The following SLC4A7 variants were observed in gnomAD, a reference collection of about 807,000 sequenced individuals.
SLC4A7 encodes the protein sodium bicarbonate cotransporter 3.
A neutral mutation model predicts 137.6 loss-of-function variants in SLC4A7; 51 were observed. The ratio of observed to expected loss-of-function variants is 0.37; its 90% CI spans 0.30 to 0.47. SLC4A7 has a LOEUF of 0.47. Among genes scored for constraint, SLC4A7 ranks in the 20% least tolerant of loss-of-function variants. The pLI, the probability that SLC4A7 is intolerant of heterozygous loss-of-function variation, is 1.00. For synonymous variants in SLC4A7, 542 were observed against 518.6 expected (o/e 1.05, Z -0.61); for missense variants, 1,247 against 1,525.4 (o/e 0.82, Z 3.04).
chr3:27,417,268 G>A (rs908653999), intron 11 of SLC4A7, among the ~76,000 whole-genome samples: 31 of 152,044 alleles, frequency 2.0e-4, no homozygotes, highest in African/African-American at 3.6e-4. Context: ...AACCAGGCAG[G>A]AACTTAGAAA....
At position 27,372,935 on chromosome 3, in the gene SLC4A7, T is replaced by C. The variant is rs2049656467; in HGVS notation, c.*3829A>G. On this transcript the variant is annotated 3_prime_UTR_variant, in exon 26 of 26. Transcript: ENST00000454389. Reference sequence around the variant, plus strand: ...ATAGAAGAAAATATCATTGTAATTATAAAAGCCATAAAAATTGGAACTGTA... The same window carrying C: ...ATAGAAGAAAATATCATTGTAATTACAAAAGCCATAAAAATTGGAACTGTA... 3.3e-5 allele frequency: 5 copies of C among 152,538 alleles called. No homozygotes were observed. The highest frequency in any genetic ancestry group is 7.4e-5 in the Non-Finnish European group (5 of 68,004). 9.4% of individuals were successfully genotyped at this position (152,538 alleles called of 1,614,324 possible). A position where few individuals can be genotyped will look rare whatever the true frequency, so the allele number is the denominator to read the frequency against.
At chr3:27,439,164 G>T (rs2056994690) in intron 3 of SLC4A7, among the ~76,000 whole-genome samples, 1 of 152,156 alleles carries the variant, frequency 6.6e-6, no homozygotes. Flanking sequence ...ATAAAGAGTA[G>T]ATTCAATGGA....
At chr3:27,388,660 T>C (rs997223986) in intron 22 of SLC4A7, among the ~76,000 whole-genome samples, 3 of 152,162 alleles carry the variant, frequency 2.0e-5, no homozygotes, top group Admixed American at 2.0e-4. Context: ...CATCTATTTT[T>C]GTATAGCCTA....
intron 1 of SLC4A7, 143 bp downstream of exon 1, chr3:27,483,924 G>A (rs951538983): frequency 3.8e-6 from 2 of 531,802 alleles, no homozygotes; most frequent in Non-Finnish European, 5.4e-6. Context: ...GGATGGCGAG[G>A]CGCGCCGGCC....
At chr3:27,383,070 C>A in intron 24 of SLC4A7, 83 bp downstream of exon 24, 1 of 807,448 alleles carries the variant, frequency 1.2e-6, no homozygotes, top group East Asian at 2.5e-5. Context: ...AAATAGAAAT[C>A]ATCACTTTAA....
At chr3:27,419,524 TG>T (rs1260570638) in intron 10 of SLC4A7, among the ~76,000 whole-genome samples, 2 of 150,534 alleles carry the variant, frequency 1.3e-5, no homozygotes, top group Non-Finnish European at 3.0e-5. Flanking sequence ...TTAGTAGAGA[TG>T]GGGTTTCACC....
chr3:27,394,490 GT>G, intron 20 of SLC4A7, 27 bp downstream of exon 20: 1 of 1,583,682 alleles, frequency 6.3e-7, no homozygotes, highest in Non-Finnish European at 8.6e-7. Context: ...TAATAAGATT[GT>G]AAAACACGGC....
chr3:27,401,098 A>G, intron 15 of SLC4A7: 1 of 352,936 alleles, frequency 2.8e-6, no homozygotes, highest in Non-Finnish European at 5.1e-6. Context: ...TAATGAAGCT[A>G]GTTATGTCCT....
chr3:27,477,593 T>C (rs1362481409), intron 1 of SLC4A7, among the ~76,000 whole-genome samples: 1 of 152,158 alleles, frequency 6.6e-6, no homozygotes, highest in Non-Finnish European at 1.5e-5. Flanking sequence ...AATGTCTTTA[T>C]GTATTATAAG....
chr3:27,433,858 C>A, intron 6 of SLC4A7, 58 bp downstream of exon 6: 1 of 1,403,730 alleles, frequency 7.1e-7, no homozygotes, highest in Non-Finnish European at 1.0e-6. Context: ...TCGTAACATA[C>A]TGGAAAGCTG....
intron 7 of SLC4A7, among the ~76,000 whole-genome samples, chr3:27,426,448 G>C (rs1177710180): frequency 6.6e-6 from 1 of 152,144 alleles, no homozygotes; most frequent in Non-Finnish European, 1.5e-5. Context: ...AGTACCATTT[G>C]GCCCTGGTGG....
chr3:27,470,894 A>G (rs1371875439), intron 1 of SLC4A7, among the ~76,000 whole-genome samples: 2 of 152,174 alleles, frequency 1.3e-5, no homozygotes, highest in Non-Finnish European at 2.9e-5. Flanking sequence ...ATGAGCCGAG[A>G]TCGCGCCACT....
rs200680213 is a variant in SLC4A7 at position 27,434,104 on chromosome 3, T to C, written c.590A>G (p.Asp197Gly). The C allele has an allele frequency of 6.9e-6, 11 of 1,584,196 alleles. No individual in the cohort carries two copies. Among genetic ancestry groups the C allele is most frequent in the Middle Eastern group, 1.7e-4 (1 of 5,964 alleles). Residue 197 changes from aspartate to glycine, a missense_variant and splice_region_variant, in exon 6 of 26, where the codon GAT becomes GGT. Asp to Gly is a moderately conservative substitution (Grantham distance 94, BLOSUM62 -1). Around this residue, in one of 6 missense-constraint regions of SLC4A7, gnomAD observed 223 missense variants for 203.6 expected, o/e 1.10. Coordinates refer to ENST00000454389, the MANE Select transcript of SLC4A7 (RefSeq NM_001321103.2). Reference protein sequence around the residue: ...MRASTLDEIADMVLDNMIASG... With the variant: ...MRASTLDEIAGMVLDNMIASG... ...AGCTATCATGTTGTCTAATACCATA[T>C]CTATTCAATGAAAAAAAAAATAAAT...
At chr3:27,456,631 G>C in intron 1 of SLC4A7, 1 of 1,472,568 alleles carries the variant, frequency 6.8e-7, no homozygotes, top group Non-Finnish European at 9.5e-7. Flanking sequence ...TAAAAGACAA[G>C]ATCATAATTA....
chr3:27,438,069 C>T (rs757731827), intron 3 of SLC4A7, among the ~76,000 whole-genome samples: 4 of 151,664 alleles, frequency 2.6e-5, no homozygotes, highest in East Asian at 1.9e-4. Flanking sequence ...TGGTGGTGGA[C>T]GCCTGTAATC....
intron 11 of SLC4A7, among the ~76,000 whole-genome samples, chr3:27,415,535 T>A (rs1472220344): frequency 6.6e-6 from 1 of 152,156 alleles, no homozygotes; most frequent in Non-Finnish European, 1.5e-5. Flanking sequence ...CAGAACAGAG[T>A]ATTTTCATCT....
chr3:27,394,846 G>A, intron 19 of SLC4A7, 77 bp from the exon 20 acceptor site: 1 of 1,549,710 alleles, frequency 6.5e-7, no homozygotes, highest in South Asian at 1.2e-5. Flanking sequence ...GAATTATAAA[G>A]AGGGAAGAAG....
intron 1 of SLC4A7, among the ~76,000 whole-genome samples, chr3:27,454,927 T>C (rs1362499357): frequency 1.3e-5 from 2 of 151,986 alleles, no homozygotes; most frequent in African/African-American, 2.4e-5. Context: ...TTATTTACTA[T>C]ACTTATTTAA....
At position 27,448,697 on chromosome 3, in the gene SLC4A7, T is replaced by C; in HGVS notation, c.243A>G (p.Lys81=). The change falls in exon 3 of 26, where the codon AAA becomes AAG. Residue 81 remains lysine (K), a synonymous_variant. Coordinates refer to ENST00000454389, the MANE Select transcript of SLC4A7 (RefSeq NM_001321103.2). Reference sequence around the variant, plus strand: ...CATCTTCTTTATCTGATTCTTTATCTTTTCTTCTCCGGTGGTGATGTTTGT... The same window carrying C: ...CATCTTCTTTATCTGATTCTTTATCCTTTCTTCTCCGGTGGTGATGTTTGT... The part of the protein sequence containing the change: ...RGHKHHHRRR[K]DKESDKEDGR... 6.2e-7 allele frequency: 1 copy of C among 1,613,182 alleles called. No homozygotes were observed. The highest frequency in any genetic ancestry group is 8.5e-7 in the Non-Finnish European group (1 of 1,179,402).
Sources: gnomAD v4.1 joint callset for allele counts (sites outside exome capture counted in the v4.1 genomes callset) on GRCh38, gnomAD v4.1.1 for gene constraint, gnomAD v4.1.1 regional missense constraint, MANE v1.5 for transcripts, NCBI Gene and HGNC (gene_info 2026-07-23, HGNC 2026-07-21) for gene names.